Variants in NCAPH observed in about 807,000 individuals in gnomAD.
NCAPH encodes non-SMC condensin I complex subunit H.
Under a neutral mutation model 85.5 loss-of-function variants are expected in NCAPH, and 38 were observed. The ratio of observed to expected loss-of-function variants is 0.44; its 90% CI spans 0.34 to 0.58. NCAPH has a LOEUF of 0.58. Among genes scored for constraint, NCAPH ranks in the 20% least tolerant of loss-of-function variants. NCAPH has a pLI of 0.01. For synonymous variants in NCAPH, 301 were observed against 335.1 expected (o/e 0.90, Z 1.11); for missense variants, 789 against 916.6 (o/e 0.86, Z 1.80).
In NCAPH at chr2:96,354,631, A is replaced by G. The variant is rs560564718; in HGVS notation, c.1208+243A>G. On this transcript the variant is annotated intron_variant, in intron 9 of 17. Coordinates refer to ENST00000240423, the MANE Select transcript of NCAPH (RefSeq NM_015341.5). ...TGAGCCACCATGCCTGGGCACTATC[A>G]GTTCTTAACAGATTTCCTGCTGGGG... is the stretch of plus-strand genomic sequence containing the variant. Among the ~76,000 whole-genome samples, 11 of 152,110 alleles carry G rather than the reference A, an allele frequency of 7.2e-5. 1 individual carries two copies. The South Asian group carries it at 2.3e-3, about 32-fold the overall frequency.
intron 1 of NCAPH, 136 bp from the exon 2 acceptor site, chr2:96,341,506 G>A: frequency 8.4e-7 from 1 of 1,190,922 alleles, no homozygotes. Flanking sequence ...AGAGGTTCTA[G>A]CCATTAAGTA....
In NCAPH at chr2:96,354,165, C is replaced by T. The variant is rs369882038; in HGVS notation, c.1003-18C>T. On this transcript the variant is annotated intron_variant, in intron 8 of 17. Coordinates refer to ENST00000240423, the MANE Select transcript of NCAPH (RefSeq NM_015341.5). ...GTTATAGGAATGAGAATTACAGAAC[C>T]CTCTTTTGTCCCTCCAGTCTGTGTC... is the stretch of plus-strand genomic sequence containing the variant. The T allele has an allele frequency of 1.5e-5, 24 of 1,607,478 alleles. No individual in the cohort carries two copies. The African/African-American group carries it at 2.5e-4, about 17-fold the overall frequency.
At chr2:96,354,650 G>A (rs528175724) in intron 9 of NCAPH, among the ~76,000 whole-genome samples, 1 of 152,188 alleles carries the variant, frequency 6.6e-6, no homozygotes, top group East Asian at 1.9e-4. Flanking sequence ...CAGATTTCCT[G>A]CTGGGGTGAT....
chr2:96,365,482 G>T (rs1257918560), intron 13 of NCAPH, among the ~76,000 whole-genome samples: 2 of 152,034 alleles, frequency 1.3e-5, no homozygotes, highest in African/African-American at 4.8e-5. Flanking sequence ...CTTCTGGGTG[G>T]TATGCCTGCT....
chr2:96,350,633 G>A (rs2064427535), intron 6 of NCAPH, among the ~76,000 whole-genome samples: 1 of 152,112 alleles, frequency 6.6e-6, no homozygotes, highest in Non-Finnish European at 1.5e-5. Flanking sequence ...TAAAGGGATG[G>A]GAGAATGTGG....
chr2:96,373,407 C>CTGGGG lies in NCAPH; in HGVS notation c.*56_*57insTGGGG. 6.5e-7 allele frequency: 1 copy of CTGGGG among 1,527,460 alleles called. No homozygotes were observed. Among genetic ancestry groups the CTGGGG allele is most frequent in the Non-Finnish European group, 9.1e-7 (1 of 1,102,976 alleles). 94.6% of individuals were successfully genotyped at this position (1,527,460 alleles called of 1,614,324 possible). On this transcript the variant is annotated 3_prime_UTR_variant, in exon 18 of 18. Coordinates refer to ENST00000240423, the MANE Select transcript of NCAPH (RefSeq NM_015341.5). ...CCCATCCCTTACTCAGTTGCCGGGA[C>CTGGGG]ATCCCCAGTCTCGGGGGAAGAAGAT...
chr2:96,369,379 T>C (rs746470603), intron 16 of NCAPH, 46 bp from the exon 17 acceptor site: 1 of 1,515,758 alleles, frequency 6.6e-7, no homozygotes, highest in Non-Finnish European at 9.2e-7. Context: ...CGAGCTTTTG[T>C]TCTAACAGTT....
At chr2:96,364,914 A>G (rs997484570) in intron 13 of NCAPH, among the ~76,000 whole-genome samples, 3 of 152,212 alleles carry the variant, frequency 2.0e-5, no homozygotes, top group Non-Finnish European at 4.4e-5. Context: ...TCAAAGGAAT[A>G]TAAACACTTT....
Position 96,366,076 on chromosome 2 carries a change from G to A in NCAPH, c.1881+18G>A, listed in dbSNP as rs1322958750. ...CTCAGAAGGTACGGATGAAACAGCT[G>A]AGAATTACATTGTTTGCCTGAAATC... On this transcript the variant is annotated intron_variant, in intron 14 of 17. Transcript: ENST00000240423. 1 of 1,611,846 alleles carries A rather than the reference G, an allele frequency of 6.2e-7. No homozygotes were observed. The highest frequency in any genetic ancestry group is 1.7e-4 in the Middle Eastern group (1 of 6,056).
chr2:96,361,420 T>C (rs2064607273), intron 12 of NCAPH, among the ~76,000 whole-genome samples: 1 of 152,020 alleles, frequency 6.6e-6, no homozygotes, highest in African/African-American at 2.4e-5. Flanking sequence ...GTTGCCTTAC[T>C]CATGATCCAA....
Position 96,341,785 on chromosome 2 carries a change from T to C in NCAPH, c.163T>C (p.Phe55Leu). ...NIPGTPVLEDFPQNDDEKERL... is the reference protein window; with the variant it reads ...NIPGTPVLEDLPQNDDEKERL... ...TCCTGGCACCCCAGTCCTCGAAGACTTTCCTCAGAATGACGATGAGAAGGA... is the reference window on the plus strand; with the variant it reads ...TCCTGGCACCCCAGTCCTCGAAGACCTTCCTCAGAATGACGATGAGAAGGA... The change falls in exon 2 of 18, where the codon TTT becomes CTT. Residue 55 changes from phenylalanine to leucine, a missense_variant. Transcript: ENST00000240423. 6.2e-7 allele frequency: 1 copy of C among 1,614,116 alleles called. No individual in the cohort carries two copies. Among genetic ancestry groups the C allele is most frequent in the Non-Finnish European group, 8.5e-7 (1 of 1,180,022 alleles).
chr2:96,335,906 G>C (rs1455362511), intron 1 of NCAPH, 58 bp downstream of exon 1: 12 of 1,412,522 alleles, frequency 8.5e-6, no homozygotes, highest in African/African-American at 1.5e-5. Context: ...CAGTACTTCG[G>C]GCGGGCAGGG....
intron 6 of NCAPH, among the ~76,000 whole-genome samples, chr2:96,344,955 G>A (rs904541963): frequency 6.6e-6 from 1 of 152,114 alleles, no homozygotes; most frequent in Non-Finnish European, 1.5e-5. Context: ...CTCAAAAAAA[G>A]GTACTAATTT....
chr2:96,348,098 C>A (rs2064385034), intron 6 of NCAPH, among the ~76,000 whole-genome samples: 1 of 151,984 alleles, frequency 6.6e-6, no homozygotes, highest in Non-Finnish European at 1.5e-5. Context: ...AGTTGTGAAT[C>A]TCACTGTCAT....
rs74350019 is a variant in NCAPH, at chr2:96,350,858, C to T, written c.721-973C>T. Among the ~76,000 whole-genome samples the T allele has an allele frequency of 4.1e-3, 630 of 152,304 alleles. 8 individuals are homozygous for T. The highest frequency in any genetic ancestry group is 0.021 in the South Asian group (100 of 4,824). On this transcript the variant is annotated intron_variant, in intron 6 of 17. Transcript: ENST00000240423. The stretch of plus-strand genomic sequence containing the variant: ...AAGACCTGTGAACCCCATACCCAAC[C>T]GTATCTCCTGTCTCAAGGTCACCTG...
chr2:96,360,505 C>A, intron 11 of NCAPH, 83 bp from the exon 12 acceptor site: 1 of 1,516,728 alleles, frequency 6.6e-7, no homozygotes, highest in Non-Finnish European at 9.1e-7. Flanking sequence ...CTGCCCAAAC[C>A]CTTCCCAGAC....
intron 6 of NCAPH, among the ~76,000 whole-genome samples, chr2:96,344,606 G>A (rs2064338789): frequency 6.6e-6 from 1 of 152,142 alleles, no homozygotes; most frequent in African/African-American, 2.4e-5. Context: ...CAACATTCTT[G>A]TATCATTTTA....
intron 4 of NCAPH, 30 bp downstream of exon 4, chr2:96,342,878 C>A: frequency 6.4e-7 from 1 of 1,555,620 alleles, no homozygotes; most frequent in Non-Finnish European, 8.9e-7. Context: ...TCTCTTGCAT[C>A]TGAATTAAAT....
In NCAPH at chr2:96,360,620, G is replaced by A. The variant is rs778682366; in HGVS notation, c.1497G>A (p.Glu499=). ...AATILTKSTL[E]NQNWRATTLP... ...CTATTCTGACCAAGTCCACTTTGGAGAACCAGAATTGGAGAGCTACCACCC... is the reference window on the plus strand; with the variant it reads ...CTATTCTGACCAAGTCCACTTTGGAAAACCAGAATTGGAGAGCTACCACCC... The change falls in exon 12 of 18, where the codon GAG becomes GAA. Residue 499 remains glutamate, a synonymous_variant. Transcript: ENST00000240423. The A allele has an allele frequency of 3.7e-6, 6 of 1,614,082 alleles. No individual in the cohort carries two copies. The Admixed American group carries it at 8.3e-5, about 22-fold the overall frequency.
Sources: gnomAD v4.1 joint callset for allele counts (sites outside exome capture counted in the v4.1 genomes callset) on GRCh38, gnomAD v4.1.1 for gene constraint, MANE v1.5 for transcripts, NCBI Gene and HGNC (gene_info 2026-07-23, HGNC 2026-07-21) for gene names.